The following SLIT1 variants were observed in gnomAD, a reference collection of about 807,000 sequenced individuals.
The protein encoded by SLIT1 is slit guidance ligand 1, also known as slit homolog 1 protein.
A neutral mutation model predicts 186.1 loss-of-function variants in SLIT1; 66 were observed. The ratio of observed to expected loss-of-function variants is 0.35; its 90% confidence interval spans 0.29 to 0.44. The LOEUF is 0.44. SLIT1 is among the 20% of genes least tolerant of loss of function. SLIT1 has a pLI of 1.00. For synonymous variants in SLIT1, 761 were observed against 833.8 expected (o/e 0.91, Z 1.50); for missense variants, 1,638 against 2,037.4 (o/e 0.80, Z 3.77).
At chr10:97,071,516 A>G (rs896681509) in intron 4 of SLIT1, among the ~76,000 whole-genome samples, 1 of 152,170 alleles carries the variant, frequency 6.6e-6, no homozygotes, top group Admixed American at 6.6e-5. Flanking sequence ...TTTAGACCCA[A>G]CCTTGTTCTA....
chr10:97,010,052 C>T lies in SLIT1; in HGVS notation c.3341+941G>A, dbSNP rs1043423377. On this transcript the variant is annotated intron_variant, in intron 31 of 36. Coordinates refer to ENST00000266058, the MANE Select transcript of SLIT1 (RefSeq NM_003061.3). This position sits in a 1 kb window ranked among gnomAD's most constrained non-coding sequence, Gnocchi z 4.8. ...AACATACGACTCAGAAAATCCACTCCTACGCATATACCCAAGAGACTGAAA... is the reference window on the plus strand; with the variant it reads ...AACATACGACTCAGAAAATCCACTCTTACGCATATACCCAAGAGACTGAAA... 1.3e-5 allele frequency among the ~76,000 whole-genome samples: 2 copies of T among 152,156 alleles called. No individual in the cohort carries two copies. Among genetic ancestry groups the T allele is most frequent in the African/African-American group, 4.8e-5 (2 of 41,414 alleles).
Position 97,002,309 on chromosome 10 carries a change from A to C in SLIT1, c.4215T>G (p.Asp1405Glu), listed in dbSNP as rs752479655. 25 of 1,611,678 alleles carry C rather than the reference A, an allele frequency of 1.6e-5. No homozygotes were observed. Among genetic ancestry groups the C allele is most frequent in the Non-Finnish European group, 2.1e-5 (25 of 1,179,478 alleles). The change falls in exon 36 of 37, where the codon GAT becomes GAG. Residue 1405 changes from aspartate to glutamate, a missense_variant. Asp to Glu is a conservative substitution (Grantham distance 45, BLOSUM62 2). Transcript: ENST00000266058. ...GGTTGCACAGTGCCCCCGAGTACCC[A>C]TCCTGGCACTGGCAGCTGTAGGAAA... is the stretch of plus-strand genomic sequence containing the variant. ...DALSYSCQCQ[D>E]GYSGALCNQA...
At chr10:97,083,655 G>C (rs1230232817) in intron 4 of SLIT1, among the ~76,000 whole-genome samples, 1 of 152,210 alleles carries the variant, frequency 6.6e-6, no homozygotes, top group East Asian at 1.9e-4. Context: ...GTGCTGCAGA[G>C]AGTGTGGAAT....
chr10:97,017,405 T>C (rs1848463323), intron 28 of SLIT1, among the ~76,000 whole-genome samples: 1 of 152,254 alleles, frequency 6.6e-6, no homozygotes, highest in African/African-American at 2.4e-5. Flanking sequence ...GCCAGCAATT[T>C]ATTTTCAGCA....
intron 1 of SLIT1, among the ~76,000 whole-genome samples, chr10:97,175,152 C>A (rs1039245594): frequency 4.6e-5 from 7 of 152,186 alleles, no homozygotes; most frequent in Non-Finnish European, 7.3e-5. Flanking sequence ...TGTTTGTCAT[C>A]TTATGACTGG....
At position 97,002,387 on chromosome 10, in the gene SLIT1, A is replaced by G; in HGVS notation, c.4155-18T>C. 6.4e-7 allele frequency: 1 copy of G among 1,571,348 alleles called. No homozygotes were observed. The highest frequency in any genetic ancestry group is 8.6e-7 in the Non-Finnish European group (1 of 1,158,676). On this transcript the variant is annotated intron_variant, in intron 35 of 36. Transcript: ENST00000266058. ...GGACACACCTGGAGGAGACAGAGAA[A>G]AGGCGCTGTGAGGACAAACCCAGCC...
At chr10:97,019,889 A>T (rs1848487567) in intron 26 of SLIT1, among the ~76,000 whole-genome samples, 1 of 152,214 alleles carries the variant, frequency 6.6e-6, no homozygotes, top group African/African-American at 2.4e-5. Context: ...GAATAGAAAT[A>T]AAAACACTTT....
intron 5 of SLIT1, chr10:97,065,800 C>T (rs2134641501): frequency 3.8e-6 from 2 of 526,032 alleles, no homozygotes; most frequent in African/African-American, 1.9e-5. Context: ...TCCGTTGGCT[C>T]TCATATGGAA....
chr10:97,070,847 G>A (rs1050334398), intron 4 of SLIT1, among the ~76,000 whole-genome samples: 1 of 152,140 alleles, frequency 6.6e-6, no homozygotes, highest in Admixed American at 6.5e-5. Flanking sequence ...TAGAGACAAG[G>A]TCTTGCTGTC....
intron 1 of SLIT1, among the ~76,000 whole-genome samples, chr10:97,180,982 G>A (rs756755429): frequency 8.5e-5 from 13 of 152,302 alleles, no homozygotes; most frequent in East Asian, 1.9e-4. Flanking sequence ...CCCAGAGGCC[G>A]AGAGAAGGGC....
At chr10:97,169,899 T>C (rs1850165124) in intron 1 of SLIT1, among the ~76,000 whole-genome samples, 1 of 152,198 alleles carries the variant, frequency 6.6e-6, no homozygotes, top group African/African-American at 2.4e-5. Context: ...TAATAAGTGG[T>C]GGGGCGGGAT....
At chr10:97,128,782 C>G (rs1849626959) in intron 4 of SLIT1, among the ~76,000 whole-genome samples, 1 of 152,096 alleles carries the variant, frequency 6.6e-6, no homozygotes, top group African/African-American at 2.4e-5. Flanking sequence ...ATTCCGGCCT[C>G]CACCAGATCC....
rs907390898 is a variant in SLIT1, at chr10:97,001,054, C to T, written c.*58G>A. ...CAGCCCAGCTGCTGGCGACTGTCTC[C>T]GCTGCTGCAGCGGCTGGGGCCCCTT... is the stretch of plus-strand genomic sequence containing the variant. On this transcript the variant is annotated 3_prime_UTR_variant, in exon 37 of 37. Transcript: ENST00000266058. The T allele has an allele frequency of 5.4e-5, 76 of 1,418,068 alleles. No individual in the cohort carries two copies. The highest frequency in any genetic ancestry group is 2.3e-4 in the Middle Eastern group (1 of 4,422). The allele number at this position is 1,418,068 out of a possible 1,614,324, so 87.8% of individuals were successfully genotyped here.
intron 11 of SLIT1, 25 bp downstream of exon 11, chr10:97,059,435 A>G (rs1848871137): frequency 1.2e-6 from 2 of 1,606,008 alleles, no homozygotes; most frequent in African/African-American, 1.3e-5. Context: ...TGGGCCACTG[A>G]GGAAGCCTTG....
chr10:97,045,443 T>C (rs1462375206), intron 18 of SLIT1, among the ~76,000 whole-genome samples: 1 of 152,218 alleles, frequency 6.6e-6, no homozygotes, highest in African/African-American at 2.4e-5. Context: ...TATGTGTGTA[T>C]ATGTATGTGT....
chr10:97,044,069 G>A (rs1196312903), intron 18 of SLIT1, among the ~76,000 whole-genome samples: 1 of 152,162 alleles, frequency 6.6e-6, no homozygotes, highest in Non-Finnish European at 1.5e-5. Flanking sequence ...ATACTCTTTT[G>A]CCTCATCTAC....
At chr10:97,171,174 G>C (rs970138683) in intron 1 of SLIT1, among the ~76,000 whole-genome samples, 16 of 152,200 alleles carry the variant, frequency 1.1e-4, no homozygotes, top group African/African-American at 3.4e-4. Flanking sequence ...CTGCGGCGCT[G>C]AGAGTGTGCA....
chr10:97,071,651 T>G (rs1236865824), intron 4 of SLIT1, among the ~76,000 whole-genome samples: 1 of 152,134 alleles, frequency 6.6e-6, no homozygotes, highest in African/African-American at 2.4e-5. Flanking sequence ...TGTGACCACA[T>G]GCCAGGCTGG....
At chr10:97,085,418 C>T (rs1254513346) in intron 4 of SLIT1, among the ~76,000 whole-genome samples, 1 of 151,196 alleles carries the variant, frequency 6.6e-6, no homozygotes, top group Non-Finnish European at 1.5e-5. Context: ...GATGGAGTCT[C>T]GCACTGTCAC....
Sources: gnomAD v4.1 joint callset for allele counts (sites outside exome capture counted in the v4.1 genomes callset) on GRCh38, gnomAD v4.1.1 for gene constraint, Gnocchi (gnomAD v3.1) non-coding constraint, MANE v1.5 for transcripts, NCBI Gene and HGNC (gene_info 2026-07-23, HGNC 2026-07-21) for gene names.